ROR1: variants seen among roughly 807,000 people sequenced by gnomAD.
ROR1 encodes ROR family WNT receptor 1.
A neutral mutation model predicts 78.8 loss-of-function variants in ROR1; 19 were observed. The ratio of observed to expected loss-of-function variants is 0.24; its 90% CI spans 0.17 to 0.35. The LOEUF (loss-of-function observed/expected upper bound fraction) is 0.35. ROR1 is among the 10% of genes least tolerant of loss of function. ROR1 has a pLI of 1.00. For synonymous variants in ROR1, 386 were observed against 433.6 expected (o/e 0.89, Z 1.36); for missense variants, 917 against 1,177.8 (o/e 0.78, Z 3.24).
chr1:63,863,468 A>G (rs566754331), intron 1 of ROR1, among the ~76,000 whole-genome samples: 2 of 152,226 alleles, frequency 1.3e-5, no homozygotes, highest in South Asian at 2.1e-4. Flanking sequence ...CCAGCTGCAC[A>G]TTGAGGTCCT....
chr1:63,973,003 C>A (rs1423318098), intron 1 of ROR1, among the ~76,000 whole-genome samples: 40 of 152,260 alleles, frequency 2.6e-4, no homozygotes, highest in Non-Finnish European at 4.4e-5. Context: ...GGTGCCCACG[C>A]TTCTGAGGCA....
At chr1:63,945,483 A>G (rs951254495) in intron 1 of ROR1, among the ~76,000 whole-genome samples, 12 of 152,140 alleles carry the variant, frequency 7.9e-5, no homozygotes, top group Non-Finnish European at 1.5e-5. Flanking sequence ...CTATAGTTTG[A>G]AAAACACTGA....
At chr1:64,067,623 TTGGTTCATCATTTTTAGAATAA>T (rs1440209741) in intron 4 of ROR1, among the ~76,000 whole-genome samples, 1 of 151,944 alleles carries the variant, frequency 6.6e-6, no homozygotes, top group African/African-American at 2.4e-5. Flanking sequence ...ATTGACAAAA[TTGGTTCATCATTTTTAGAATAA>T]TTGAATTGAC....
At chr1:64,103,897 G>T (rs993997634) in intron 4 of ROR1, among the ~76,000 whole-genome samples, 3 of 152,052 alleles carry the variant, frequency 2.0e-5, no homozygotes, top group Non-Finnish European at 2.9e-5. Context: ...CTAGTGAGGG[G>T]GATTTTGCCT....
chr1:64,042,860 G>A (rs753498153), intron 2 of ROR1, among the ~76,000 whole-genome samples: 3 of 152,240 alleles, frequency 2.0e-5, no homozygotes, highest in Non-Finnish European at 2.9e-5. Flanking sequence ...TTGATAGCGT[G>A]AACAGAATGT....
At chr1:63,998,393 G>A (rs1285739640) in intron 1 of ROR1, among the ~76,000 whole-genome samples, 1 of 151,742 alleles carries the variant, frequency 6.6e-6, no homozygotes, top group Admixed American at 6.6e-5. Flanking sequence ...TTTGAACATA[G>A]TGTGAATCAG....
At chr1:63,945,553 T>C (rs1337021701) in intron 1 of ROR1, among the ~76,000 whole-genome samples, 2 of 152,190 alleles carry the variant, frequency 1.3e-5, no homozygotes, top group East Asian at 3.9e-4. Flanking sequence ...TGTTTCCTTC[T>C]AGTACCAGAA....
intron 1 of ROR1, among the ~76,000 whole-genome samples, chr1:63,986,034 G>A (rs1162193961): frequency 6.6e-6 from 1 of 152,060 alleles, no homozygotes; most frequent in African/African-American, 2.4e-5. Context: ...GCAAAGCACT[G>A]GCCACCTAGA....
intron 4 of ROR1, among the ~76,000 whole-genome samples, chr1:64,082,604 G>C (rs1647112969): frequency 1.3e-5 from 2 of 152,226 alleles, no homozygotes; most frequent in Non-Finnish European, 2.9e-5. Flanking sequence ...TACCATGCAA[G>C]CTGAGGTCAC....
intron 1 of ROR1, among the ~76,000 whole-genome samples, chr1:63,812,733 C>A (rs1158301390): frequency 6.6e-6 from 1 of 152,088 alleles, no homozygotes; most frequent in Non-Finnish European, 1.5e-5. Context: ...ATATAACTAC[C>A]ATCTATGAAG....
intron 4 of ROR1, among the ~76,000 whole-genome samples, chr1:64,052,243 G>A (rs1172306433): frequency 6.8e-6 from 1 of 147,480 alleles, no homozygotes; most frequent in Non-Finnish European, 1.5e-5. Context: ...TCCTTTTGAA[G>A]TCTTAGTTAA....
At chr1:63,784,131 A>G (rs1308429324) in intron 1 of ROR1, among the ~76,000 whole-genome samples, 1 of 152,154 alleles carries the variant, frequency 6.6e-6, no homozygotes, top group African/African-American at 2.4e-5. Flanking sequence ...CTCCATTTGT[A>G]TAGGGCTTTG....
chr1:63,889,538 T>G lies in ROR1; in HGVS notation c.91+115030T>G, dbSNP rs550298479. ...GAGAGTCCTGGAAGAACGAAGTGCATGCAACCCTGGCTTTGGGTATTCTAG... is the reference window on the plus strand; with the variant it reads ...GAGAGTCCTGGAAGAACGAAGTGCAGGCAACCCTGGCTTTGGGTATTCTAG... On this transcript the variant is annotated intron_variant, in intron 1 of 8. Transcript: ENST00000371079. 2.0e-5 allele frequency among the ~76,000 whole-genome samples: 3 copies of G among 152,248 alleles called. No individual in the cohort carries two copies. The East Asian group carries it at 5.8e-4, about 29-fold the overall frequency.
chr1:64,014,001 AAC>A (rs1194089595), intron 2 of ROR1, among the ~76,000 whole-genome samples: 1 of 152,240 alleles, frequency 6.6e-6, no homozygotes, highest in Non-Finnish European at 1.5e-5. Flanking sequence ...TTTGCAATAG[AAC>A]AGATAGGCAA....
intron 2 of ROR1, among the ~76,000 whole-genome samples, chr1:64,011,597 A>T (rs564570579): frequency 6.6e-6 from 1 of 152,178 alleles, no homozygotes; most frequent in African/African-American, 2.4e-5. Flanking sequence ...GCCCATTAAG[A>T]AAGTAGTGGT....
chr1:63,994,475 G>T (rs1001816643), intron 1 of ROR1, among the ~76,000 whole-genome samples: 5 of 152,140 alleles, frequency 3.3e-5, no homozygotes, highest in African/African-American at 4.8e-5. Flanking sequence ...CCTTTTTAAA[G>T]GCTTATAGAT....
Position 64,158,992 on chromosome 1 carries a change from T to C in ROR1, c.1186T>C (p.Ser396Pro). 1 of 1,613,942 alleles carries C rather than the reference T, an allele frequency of 6.2e-7. No homozygotes were observed. Among genetic ancestry groups the C allele is most frequent in the Non-Finnish European group, 8.5e-7 (1 of 1,179,832 alleles). The part of the protein sequence containing the change: ...CDIPACDSKD[S>P]KEKNKMEILY... ...ATTTCTGCACCCAGATTCAAAGGATTCCAAGGAGAAGAATAAAATGGAAAT... is the reference window on the plus strand; with the variant it reads ...ATTTCTGCACCCAGATTCAAAGGATCCCAAGGAGAAGAATAAAATGGAAAT... The change falls in exon 8 of 9, where the codon TCC becomes CCC. Residue 396 changes from serine (S) to proline (P), a missense_variant. Ser to Pro is a moderately conservative substitution (Grantham distance 74). Coordinates refer to ENST00000371079, the MANE Select transcript of ROR1 (RefSeq NM_005012.4).
chr1:63,797,042 C>T (rs1197541026), intron 1 of ROR1, among the ~76,000 whole-genome samples: 1 of 151,908 alleles, frequency 6.6e-6, no homozygotes, highest in Non-Finnish European at 1.5e-5. Flanking sequence ...GATGTTAAAC[C>T]TATTAGATGG....
rs572517289 is a variant in ROR1 at position 64,051,445 on chromosome 1, G to A, written c.482+729G>A. 1.7e-3 allele frequency among the ~76,000 whole-genome samples: 182 copies of A among 105,970 alleles called. 1 individual carries two copies. The highest frequency in any genetic ancestry group is 6.6e-3 in the Admixed American group (61 of 9,264). 69.5% of individuals were successfully genotyped at this position (105,970 alleles called of 152,430 possible). On this transcript the variant is annotated intron_variant, in intron 4 of 8. Transcript: ENST00000371079. ...AGCCTGGGCAGCAGAGTGAGACTCC[G>A]TCTCAAAAATAAAAAATAAAATAAA...
Sources: allele counts gnomAD v4.1 joint callset (sites outside exome capture counted in the v4.1 genomes callset), GRCh38; gene constraint gnomAD v4.1.1; transcripts MANE v1.5; gene names NCBI Gene and HGNC (gene_info 2026-07-23, HGNC 2026-07-21).